Variants in SAMD5 observed in about 807,000 individuals in gnomAD.
SAMD5 encodes sterile alpha motif domain containing 5, also known as sterile alpha motif domain-containing protein 5.
A neutral mutation model predicts 11.3 loss-of-function variants in SAMD5; 13 were observed. That is an observed-to-expected ratio of 1.15 (90% CI 0.75 to 1.83). The LOEUF (loss-of-function observed/expected upper bound fraction) is 1.83. Ranked by LOEUF, SAMD5 falls within the 40% of genes most tolerant of loss-of-function variation. The pLI, the probability that SAMD5 is intolerant of heterozygous loss-of-function variation, is 0.00. For missense variants in SAMD5, 255 were observed against 239.1 expected (o/e 1.07, Z -0.44); for synonymous variants, 129 against 111.3 (o/e 1.16, Z -1.00).
intron 1 of SAMD5, among the ~76,000 whole-genome samples, chr6:147,717,122 G>A (rs1791479565): frequency 6.6e-6 from 1 of 152,200 alleles, no homozygotes; most frequent in Non-Finnish European, 1.5e-5. Context: ...CTTGCTAAAT[G>A]TCTCTGTCTC....
intron 1 of SAMD5, among the ~76,000 whole-genome samples, chr6:147,719,915 T>C (rs1791523177): frequency 6.6e-6 from 1 of 152,204 alleles, no homozygotes; most frequent in Admixed American, 6.5e-5. Flanking sequence ...GGGAAGATGC[T>C]CCATGCTTAT....
chr6:147,657,205 A>C (rs1047814903), intron 1 of SAMD5, among the ~76,000 whole-genome samples: 1 of 152,138 alleles, frequency 6.6e-6, no homozygotes, highest in Admixed American at 6.6e-5. Flanking sequence ...ATTAGAAAAC[A>C]TACTGATCTT....
At chr6:147,741,612 G>A (rs1791880206), downstream of SAMD5, 2 of 152,316 alleles carry the variant, frequency 1.3e-5, no homozygotes, top group Admixed American at 6.5e-5. Context: ...AAGTGCGTAT[G>A]TGTTGTTGGC....
At chr6:147,889,109 A>G in the SAMD5 span, among the ~76,000 whole-genome samples, 2 of 152,124 alleles carry the variant, frequency 1.3e-5, no homozygotes, top group South Asian at 4.2e-4. Context: ...TATTCCAATT[A>G]CGTGTGTGTA....
intron 1 of SAMD5, among the ~76,000 whole-genome samples, chr6:147,666,172 C>T (rs1427348863): frequency 2.0e-5 from 3 of 152,192 alleles, no homozygotes; most frequent in Admixed American, 6.5e-5. Flanking sequence ...CTCCTGACCT[C>T]GTGATCCGCC....
At chr6:147,592,310 G>C (rs773768062) in intron 1 of SAMD5, among the ~76,000 whole-genome samples, 1 of 152,114 alleles carries the variant, frequency 6.6e-6, no homozygotes, top group African/African-American at 2.4e-5. Flanking sequence ...AGTGGCTGCA[G>C]AAGGTTTCTC....
chr6:147,564,104 A>AT (rs11287852), intron 1 of SAMD5, among the ~76,000 whole-genome samples: 1,557 of 151,740 alleles, frequency 0.01, 21 homozygotes, highest in African/African-American at 0.033. Flanking sequence ...TTATCTAACC[A>AT]TTTTTTTTTA....
At chr6:147,856,819 CG>C in the SAMD5 span, among the ~76,000 whole-genome samples, 2 of 128,630 alleles carry the variant, frequency 1.6e-5, no homozygotes, top group South Asian at 2.3e-4. Context: ...TTTCTGGGGG[CG>C]CGGGGGGGGG....
chr6:147,700,496 C>G (rs777588546), intron 1 of SAMD5, among the ~76,000 whole-genome samples: 1 of 152,156 alleles, frequency 6.6e-6, no homozygotes, highest in Non-Finnish European at 1.5e-5. Context: ...TCACCTAACC[C>G]TGTGACACTG....
chr6:147,745,742 A>G, the SAMD5 span, among the ~76,000 whole-genome samples: 1 of 151,034 alleles, frequency 6.6e-6, no homozygotes, highest in Non-Finnish European at 1.5e-5. Context: ...AAGCTCCTGT[A>G]CTAGCTGTGT....
At chr6:147,686,960 T>C (rs1490852953) in intron 1 of SAMD5, among the ~76,000 whole-genome samples, 2 of 152,106 alleles carry the variant, frequency 1.3e-5, no homozygotes, top group African/African-American at 4.8e-5. Context: ...GTATATTCTT[T>C]ACAATATTTT....
In SAMD5 at chr6:147,567,709, G is replaced by T; in HGVS notation, c.*3253G>T. On this transcript the variant is annotated 3_prime_UTR_variant, in exon 2 of 2. Transcript: ENST00000367474. ...CTTATGCAGAAGAGATTACCTTAAAGCTGACTAGAAAACTCAGACATAAAT... is the reference window on the plus strand; with the variant it reads ...CTTATGCAGAAGAGATTACCTTAAATCTGACTAGAAAACTCAGACATAAAT... 1 of 985,264 alleles carries T rather than the reference G, an allele frequency of 1.0e-6. No homozygotes were observed. The highest frequency in any genetic ancestry group is 4.7e-5 in the South Asian group (1 of 21,274). The allele number at this position is 985,264 out of a possible 1,614,324, so 61.0% of individuals were successfully genotyped here. A position where few individuals can be genotyped will look rare whatever the true frequency, so the allele number is the denominator to read the frequency against.
chr6:147,525,871 C>G (rs1028622924), intron 1 of SAMD5, among the ~76,000 whole-genome samples: 9 of 152,156 alleles, frequency 5.9e-5, no homozygotes, highest in Non-Finnish European at 1.3e-4. Flanking sequence ...AGAAAGCCAG[C>G]ATGCCTCCTG....
the SAMD5 span, among the ~76,000 whole-genome samples, chr6:147,921,058 A>C: frequency 6.6e-6 from 1 of 152,110 alleles, no homozygotes; most frequent in African/African-American, 2.4e-5. Context: ...TCATTCCTTA[A>C]TCACATTATT....
At chr6:147,542,789 C>T (rs58049568) in intron 1 of SAMD5, among the ~76,000 whole-genome samples, 1,683 of 152,210 alleles carry the variant, frequency 0.011, 28 homozygotes, top group African/African-American at 0.039. Context: ...TTAATTTGGT[C>T]GCTAACATTA....
At chr6:147,944,395 T>G in the SAMD5 span, among the ~76,000 whole-genome samples, 2 of 152,240 alleles carry the variant, frequency 1.3e-5, no homozygotes, top group Admixed American at 6.5e-5. Flanking sequence ...AAAGAGAGCT[T>G]GTGCAGGGAA....
At chr6:147,799,046 T>C in the SAMD5 span, among the ~76,000 whole-genome samples, 1 of 152,174 alleles carries the variant, frequency 6.6e-6, no homozygotes, top group Non-Finnish European at 1.5e-5. Context: ...TGTCTTTTAA[T>C]TGGAGCATTT....
At chr6:147,739,602 C>A (rs1316138128), downstream of SAMD5, among the ~76,000 whole-genome samples, 1 of 151,718 alleles carries the variant, frequency 6.6e-6, no homozygotes, top group Non-Finnish European at 1.5e-5. Context: ...TGTCTCAACA[C>A]AAAAACAAAA....
At chr6:147,887,337 T>C in the SAMD5 span, among the ~76,000 whole-genome samples, 2 of 152,144 alleles carry the variant, frequency 1.3e-5, no homozygotes, top group African/African-American at 4.8e-5. Flanking sequence ...ATCTCATCCC[T>C]CTCTTGACCC....
Sources: gnomAD v4.1 joint callset for allele counts (sites outside exome capture counted in the v4.1 genomes callset) on GRCh38, gnomAD v4.1.1 for gene constraint, MANE v1.5 for transcripts, NCBI Gene and HGNC (gene_info 2026-07-23, HGNC 2026-07-21) for gene names.